Variants in PTPRD observed in about 807,000 individuals in gnomAD.
PTPRD encodes the protein protein tyrosine phosphatase receptor type D.
A neutral mutation model predicts 214.5 loss-of-function variants in PTPRD; 34 were observed. That is an observed-to-expected ratio of 0.16 (90% CI 0.12 to 0.21). The LOEUF (loss-of-function observed/expected upper bound fraction) is 0.21, where lower values mean the gene tolerates loss of function less well. PTPRD is among the 10% of genes least tolerant of loss of function. The pLI is 1.00. For synonymous variants in PTPRD, 1,128 were observed against 845.7 expected, an observed-to-expected ratio of 1.33 and a Z score of -5.79; for missense variants, 2,545 against 2,398.7, an observed-to-expected ratio of 1.06 and a Z score of -1.27.
chr9:10,088,475 C>T (rs1178647673), intron 3 of PTPRD, among the ~76,000 whole-genome samples: 2 of 151,656 alleles, frequency 1.3e-5, no homozygotes, highest in Non-Finnish European at 3.0e-5. Context: ...TCAAGATATA[C>T]ACTCTTCAAG....
At chr9:8,462,939 T>C (rs2096454395) in intron 32 of PTPRD, among the ~76,000 whole-genome samples, 1 of 151,976 alleles carries the variant, frequency 6.6e-6, no homozygotes, top group African/African-American at 2.4e-5. Context: ...CAGCTAGCAA[T>C]GAACCTTGTA....
At chr9:8,769,763 G>A (rs2095054793) in intron 11 of PTPRD, among the ~76,000 whole-genome samples, 1 of 151,678 alleles carries the variant, frequency 6.6e-6, no homozygotes. Flanking sequence ...ACAAAGAGGG[G>A]AGGGAGAGTT....
intron 2 of PTPRD, among the ~76,000 whole-genome samples, chr9:10,470,930 A>G (rs969352434): frequency 1.3e-5 from 2 of 152,222 alleles, no homozygotes; most frequent in Admixed American, 6.5e-5. Context: ...CTGGATAAAG[A>G]AAATGTGGCA....
chr9:8,449,617 T>A, intron 34 of PTPRD, 108 bp downstream of exon 34: 1 of 1,006,102 alleles, frequency 9.9e-7, no homozygotes, highest in Non-Finnish European at 1.4e-6. Flanking sequence ...AAGAGCAGGA[T>A]GAACAAAATG....
chr9:8,964,334 T>C (rs1311261314), intron 11 of PTPRD, among the ~76,000 whole-genome samples: 2 of 151,672 alleles, frequency 1.3e-5, no homozygotes, highest in African/African-American at 4.8e-5. Context: ...TATTTTCTAC[T>C]TCATGTCCAT....
chr9:9,595,730 G>T (rs1017402189), intron 7 of PTPRD, among the ~76,000 whole-genome samples: 10 of 151,770 alleles, frequency 6.6e-5, no homozygotes, highest in African/African-American at 2.4e-4. Context: ...ACTCATAAGT[G>T]GAAGCTAAGC....
intron 11 of PTPRD, among the ~76,000 whole-genome samples, chr9:8,909,385 C>A (rs765457327): frequency 6.6e-6 from 1 of 152,044 alleles, no homozygotes; most frequent in Non-Finnish European, 1.5e-5. Context: ...CCTAAATCTA[C>A]CCACATAAAA....
At chr9:9,135,262 C>G (rs1356556928) in intron 10 of PTPRD, among the ~76,000 whole-genome samples, 1 of 152,170 alleles carries the variant, frequency 6.6e-6, no homozygotes, top group Non-Finnish European at 1.5e-5. Flanking sequence ...TCCTCTGGCA[C>G]CTAGTATGAT....
intron 36 of PTPRD, among the ~76,000 whole-genome samples, chr9:8,403,912 A>G (rs1419139513): frequency 1.3e-5 from 2 of 152,162 alleles, no homozygotes; most frequent in East Asian, 3.9e-4. Flanking sequence ...TCACCTGTTC[A>G]TTCATAACAA....
chr9:8,726,937 C>G (rs966782060), intron 12 of PTPRD, among the ~76,000 whole-genome samples: 1 of 151,536 alleles, frequency 6.6e-6, no homozygotes, highest in South Asian at 2.1e-4. Context: ...TGCCACTGCA[C>G]TACTCCAGCC....
intron 35 of PTPRD, among the ~76,000 whole-genome samples, chr9:8,416,465 G>C (rs1406136285): frequency 6.6e-6 from 1 of 152,070 alleles, no homozygotes; most frequent in African/African-American, 2.4e-5. Flanking sequence ...CAGGAAGAGG[G>C]AAAAAAGAGA....
rs549373023 is a variant in PTPRD, at chr9:10,354,735, C to T, written c.-599-13718G>A. 8.5e-4 allele frequency among the ~76,000 whole-genome samples: 130 copies of T among 152,240 alleles called. 2 individuals are homozygous for T. In the Middle Eastern group the frequency reaches 0.031, roughly 36 times the overall value. On this transcript the variant is annotated intron_variant, in intron 2 of 45. Coordinates refer to ENST00000381196, the MANE Select transcript of PTPRD (RefSeq NM_002839.4). ...GGCTACTGCTAGGGTGACGTTATAT[C>T]TTCATTTCTTTTGTCACTTCCATCT...
intron 3 of PTPRD, among the ~76,000 whole-genome samples, chr9:10,229,467 G>A (rs969294694): frequency 4.6e-5 from 7 of 152,048 alleles, no homozygotes; most frequent in African/African-American, 1.4e-4. Flanking sequence ...GTCCAACAGT[G>A]ATAGACTGGA....
At chr9:9,444,026 G>C (rs961811600) in intron 8 of PTPRD, among the ~76,000 whole-genome samples, 1 of 152,040 alleles carries the variant, frequency 6.6e-6, no homozygotes, top group African/African-American at 2.4e-5. Flanking sequence ...CTTCATTACA[G>C]CTCAGTCAAG....
chr9:10,269,890 T>A (rs954524281), intron 3 of PTPRD, among the ~76,000 whole-genome samples: 3 of 152,164 alleles, frequency 2.0e-5, no homozygotes, highest in African/African-American at 7.2e-5. Flanking sequence ...ATTTTTTTCC[T>A]TAGTAAACGT....
intron 3 of PTPRD, among the ~76,000 whole-genome samples, chr9:10,183,319 G>A (rs1471871169): frequency 6.6e-6 from 1 of 152,084 alleles, no homozygotes; most frequent in Non-Finnish European, 1.5e-5. Flanking sequence ...AATAAGAGTT[G>A]TATTGCATGG....
intron 11 of PTPRD, among the ~76,000 whole-genome samples, chr9:8,913,441 C>T (rs899087609): frequency 2.0e-5 from 3 of 151,986 alleles, no homozygotes; most frequent in African/African-American, 7.2e-5. Flanking sequence ...TTGCAACATC[C>T]ATTTGTTTAT....
intron 44 of PTPRD, among the ~76,000 whole-genome samples, chr9:8,328,603 TCC>T (rs1836439941): frequency 4.1e-5 from 2 of 48,918 alleles, no homozygotes; most frequent in South Asian, 1.0e-3. Context: ...CTGGATAATA[TCC>T]TGATATCCTG....
intron 35 of PTPRD, among the ~76,000 whole-genome samples, chr9:8,409,190 G>A (rs1564607670): frequency 6.6e-6 from 1 of 152,080 alleles, no homozygotes; most frequent in Admixed American, 6.5e-5. Context: ...TCTTCACAAA[G>A]ACCCTAGAAG....
Sources: allele counts gnomAD v4.1 joint callset (sites outside exome capture counted in the v4.1 genomes callset), GRCh38; gene constraint gnomAD v4.1.1; transcripts MANE v1.5; gene names NCBI Gene and HGNC (gene_info 2026-07-23, HGNC 2026-07-21).